SRGAP2C: variants seen among roughly 807,000 people sequenced by gnomAD.
The protein encoded by SRGAP2C is SLIT-ROBO Rho GTPase-activating protein 2C.
Under a neutral mutation model 25.1 loss-of-function variants are expected in SRGAP2C, and 15 were observed. That is an observed-to-expected ratio of 0.60 (90% confidence interval 0.40 to 0.92). The LOEUF is 0.92. Among genes scored for constraint, SRGAP2C ranks in the 40% least tolerant of loss-of-function variants. SRGAP2C has a pLI of 0.00. For missense variants in SRGAP2C, 144 were observed against 264.4 expected (o/e 0.54, Z 3.16); for synonymous variants, 44 against 96.6 (o/e 0.46, Z 3.19).
rs1655381504 is a variant in SRGAP2C, at chr1:121,216,258, AG to A, written c.67+28746del. On this transcript the variant is annotated intron_variant, in intron 2 of 9. Transcript: ENST00000367123. ...GGCAGAGAGCTGCTCATGTCTGCAA[AG>A]AGGGACAGTCCCACTTTTGCAGAGG... Among the ~76,000 whole-genome samples the A allele has an allele frequency of 2.0e-5, 3 of 152,202 alleles. No homozygotes were observed. The South Asian group carries it at 6.2e-4, about 32-fold the overall frequency.
intron 5 of SRGAP2C, among the ~76,000 whole-genome samples, chr1:121,365,847 C>G (rs1400734675): frequency 5.9e-5 from 7 of 118,702 alleles, no homozygotes; most frequent in African/African-American, 2.2e-4. Flanking sequence ...TAAGAGGGAC[C>G]AGTTTGAGCA....
At chr1:121,208,921 A>G (rs1553323027) in intron 2 of SRGAP2C, among the ~76,000 whole-genome samples, 1 of 148,334 alleles carries the variant, frequency 6.7e-6, no homozygotes, top group East Asian at 2.0e-4. Flanking sequence ...GGAAAGACCT[A>G]TTTACGCATA....
chr1:121,346,894 C>T (rs1455079522), intron 4 of SRGAP2C, among the ~76,000 whole-genome samples: 2 of 151,878 alleles, frequency 1.3e-5, no homozygotes, highest in Non-Finnish European at 2.9e-5. Flanking sequence ...TGTCTGAGTT[C>T]CCTGGGCCTG....
intron 4 of SRGAP2C, among the ~76,000 whole-genome samples, chr1:121,340,678 T>G (rs1320709428): frequency 2.0e-5 from 3 of 151,310 alleles, no homozygotes; most frequent in Admixed American, 2.0e-4. Flanking sequence ...GAAAAGTAAG[T>G]CAGGAGAGCT....
intron 7 of SRGAP2C, among the ~76,000 whole-genome samples, chr1:121,375,339 TTTG>T (rs1659616224): frequency 9.9e-6 from 1 of 100,642 alleles, no homozygotes. Context: ...TTTTTTTTTT[TTTG>T]AGATAGAGTC....
chr1:121,272,365 G>A (rs1656987086), intron 2 of SRGAP2C, among the ~76,000 whole-genome samples: 1 of 151,612 alleles, frequency 6.6e-6, no homozygotes, highest in Non-Finnish European at 1.5e-5. Flanking sequence ...AGTAGGTGGT[G>A]GAGCTGGCAT....
chr1:121,386,002 G>C (rs1242513714), intron 8 of SRGAP2C, among the ~76,000 whole-genome samples: 2 of 136,460 alleles, frequency 1.5e-5, no homozygotes, highest in Non-Finnish European at 3.1e-5. Flanking sequence ...CTTGTTCCTG[G>C]CTTCACGCTT....
chr1:121,347,554 A>T (rs1248600360), intron 4 of SRGAP2C, among the ~76,000 whole-genome samples: 1 of 152,054 alleles, frequency 6.6e-6, no homozygotes, highest in Non-Finnish European at 1.5e-5. Flanking sequence ...AAAGGTCTGC[A>T]TGCTCTGGCT....
At chr1:121,350,703 T>A (rs1658880025) in intron 4 of SRGAP2C, among the ~76,000 whole-genome samples, 1 of 152,138 alleles carries the variant, frequency 6.6e-6, no homozygotes, top group South Asian at 2.1e-4. Context: ...ATTTCTTACA[T>A]ATGACACCAA....
chr1:121,231,614 A>G (rs1229041025), intron 2 of SRGAP2C, among the ~76,000 whole-genome samples: 1 of 151,770 alleles, frequency 6.6e-6, no homozygotes, highest in Non-Finnish European at 1.5e-5. Context: ...TTTAATCATA[A>G]AGTCAGAAGA....
chr1:121,222,587 T>C (rs1314119440), intron 2 of SRGAP2C, among the ~76,000 whole-genome samples: 8 of 152,070 alleles, frequency 5.3e-5, no homozygotes, highest in Admixed American at 4.6e-4. Context: ...TAATCATGCC[T>C]CTACACTCTG....
At chr1:121,345,764 G>A (rs1658728948) in intron 4 of SRGAP2C, among the ~76,000 whole-genome samples, 1 of 147,768 alleles carries the variant, frequency 6.8e-6, no homozygotes, top group South Asian at 2.1e-4. Context: ...TGATTCTCTT[G>A]CCTCAGCCTC....
Position 121,334,613 on chromosome 1 carries a change from G to A in SRGAP2C, c.423+9973G>A, listed in dbSNP as rs1446219927. ...CTCCCAAAGTGGTGGGATTACAGGCGTGAGCTGCCATGCCCAGCCCTTCTT... is the reference window on the plus strand; with the variant it reads ...CTCCCAAAGTGGTGGGATTACAGGCATGAGCTGCCATGCCCAGCCCTTCTT... On this transcript the variant is annotated intron_variant, in intron 4 of 9. Transcript: ENST00000367123. 2.4e-4 allele frequency among the ~76,000 whole-genome samples: 31 copies of A among 130,422 alleles called. 1 individual carries two copies. The highest frequency in any genetic ancestry group is 4.0e-4 in the African/African-American group (14 of 34,742). The allele number at this position is 130,422 out of a possible 152,430, so 85.6% of individuals were successfully genotyped here. A position where few individuals can be genotyped will look rare whatever the true frequency, so the allele number is the denominator to read the frequency against.
intron 2 of SRGAP2C, among the ~76,000 whole-genome samples, chr1:121,215,785 AGGG>A (rs1655365295): frequency 8.4e-6 from 1 of 119,278 alleles, no homozygotes; most frequent in Non-Finnish European, 1.7e-5. Flanking sequence ...GCTTTGCTGA[AGGG>A]GGAAAAAATC....
rs1363675934 is a variant in SRGAP2C at position 121,284,849 on chromosome 1, G to A, written c.114G>A (p.Gln38=). Residue 38 remains glutamine (Q), a synonymous_variant, in exon 3 of 10, where the codon CAG becomes CAA. Transcript: ENST00000367123. ...AGCAGATGAAATGCCTGGACCAGCAGTGTGAGCTTCGGGTGCAACTGTTGC... is the reference window on the plus strand; with the variant it reads ...AGCAGATGAAATGCCTGGACCAGCAATGTGAGCTTCGGGTGCAACTGTTGC... ...LTEQMKCLDQ[Q]CELRVQLLQD... is the part of the protein sequence containing the mutation. 1.9e-6 allele frequency: 2 copies of A among 1,076,066 alleles called. No homozygotes were observed. Among genetic ancestry groups the A allele is most frequent in the East Asian group, 5.2e-5 (2 of 38,356 alleles). The allele number at this position is 1,076,066 out of a possible 1,614,324, so 66.7% of individuals were successfully genotyped here. A position where few individuals can be genotyped will look rare whatever the true frequency, so the allele number is the denominator to read the frequency against.
At chr1:121,293,040 C>G (rs1182979925) in intron 3 of SRGAP2C, among the ~76,000 whole-genome samples, 2 of 108,344 alleles carry the variant, frequency 1.8e-5, no homozygotes, top group Non-Finnish European at 3.7e-5. Context: ...TTAGGGAGGT[C>G]AAGTTCAATG....
chr1:121,266,301 A>C (rs1380032463), intron 2 of SRGAP2C, among the ~76,000 whole-genome samples: 7 of 149,302 alleles, frequency 4.7e-5, no homozygotes, highest in African/African-American at 1.7e-4. Flanking sequence ...TCCACAGTCC[A>C]CTATGACTGT....
chr1:121,335,704 C>T (rs1420659929), intron 4 of SRGAP2C, among the ~76,000 whole-genome samples: 9 of 150,584 alleles, frequency 6.0e-5, no homozygotes, highest in Admixed American at 6.0e-4. Flanking sequence ...CCTTCCCCTT[C>T]AGCCTCCCAA....
chr1:121,186,741 CT>C (rs1654532660), intron 1 of SRGAP2C, among the ~76,000 whole-genome samples, 163 bp from the exon 2 acceptor site: 1 of 117,252 alleles, frequency 8.5e-6, no homozygotes, highest in Admixed American at 9.0e-5. Context: ...AGGGAGCTTC[CT>C]TCCTCCCCAC....
Sources: gnomAD v4.1 joint callset for allele counts (sites outside exome capture counted in the v4.1 genomes callset) on GRCh38, gnomAD v4.1.1 for gene constraint, MANE v1.5 for transcripts, NCBI Gene and HGNC (gene_info 2026-07-23, HGNC 2026-07-21) for gene names.